STXBP4: variants seen among roughly 807,000 people sequenced by gnomAD.
STXBP4 encodes the protein syntaxin-binding protein 4.
In STXBP4, 55 loss-of-function variants were observed where a neutral mutation model predicts 76.1. That is an observed-to-expected ratio of 0.72 (90% CI 0.58 to 0.91). The LOEUF (loss-of-function observed/expected upper bound fraction) is 0.91, where lower values mean the gene tolerates loss of function less well. STXBP4 is among the 40% of genes least tolerant of loss of function. The pLI, the probability that STXBP4 is intolerant of heterozygous loss-of-function variation, is 0.00. For missense variants in STXBP4, 618 were observed against 636.9 expected (o/e 0.97, Z 0.32); for synonymous variants, 201 against 220.2 (o/e 0.91, Z 0.77).
chr17:55,121,197 T>G (rs571701403), intron 16 of STXBP4, among the ~76,000 whole-genome samples: 1 of 152,136 alleles, frequency 6.6e-6, no homozygotes, highest in Non-Finnish European at 1.5e-5. Flanking sequence ...AATGCAAAGT[T>G]TAAGATATTA....
intron 3 of STXBP4, among the ~76,000 whole-genome samples, chr17:54,990,039 G>T (rs1015836674): frequency 6.6e-6 from 1 of 152,128 alleles, no homozygotes; most frequent in South Asian, 2.1e-4. Flanking sequence ...AATCTTTTCC[G>T]TCGCCTTTAA....
At position 55,166,919 on chromosome 17, in the gene STXBP4, T is replaced by C. The variant is rs2080380269; in HGVS notation, c.*7008T>C. On this transcript the variant is annotated 3_prime_UTR_variant, in exon 18 of 18. Transcript: ENST00000376352. ...CGGAACTCTGGTTAAAGCTAAGTGG[T>C]CTCTCTCACTGTGGCTGTTCCACTC... 1 of 152,284 alleles carries C rather than the reference T, an allele frequency of 6.6e-6. No homozygotes were observed. The highest frequency in any genetic ancestry group is 1.5e-5 in the Non-Finnish European group (1 of 68,094). 9.4% of individuals were successfully genotyped at this position (152,284 alleles called of 1,614,324 possible).
chr17:55,131,342 G>A (rs561983214), intron 16 of STXBP4, among the ~76,000 whole-genome samples: 11 of 152,258 alleles, frequency 7.2e-5, no homozygotes, highest in African/African-American at 2.4e-4. Flanking sequence ...GCTGGTATGG[G>A]GTACTCTTAG....
chr17:55,186,815 C>G, the STXBP4 span, among the ~76,000 whole-genome samples: 2 of 152,104 alleles, frequency 1.3e-5, no homozygotes, highest in Non-Finnish European at 2.9e-5. Flanking sequence ...AAATATCACT[C>G]CCTTTCTCAT....
rs781122310 is a variant in STXBP4, at chr17:55,007,585, G to A, written c.654G>A (p.Glu218=). 6.3e-6 allele frequency: 10 copies of A among 1,598,724 alleles called. No homozygotes were observed. Among genetic ancestry groups the A allele is most frequent in the Middle Eastern group, 1.7e-4 (1 of 6,026 alleles). The change falls in exon 8 of 18, where the codon GAG becomes GAA. Residue 218 remains glutamate (E), a synonymous_variant. Transcript: ENST00000376352. ...ATCCCTCTGTTCGCTTTAAGGCAGA[G>A]AAACTGGAAATGGTAAAACCTTTAA... ...SLNPSVRFKA[E]KLEMALNYLG... is the part of the protein sequence containing the mutation.
chr17:55,176,831 C>T (rs2529521), downstream of STXBP4, among the ~76,000 whole-genome samples: 43,500 of 151,990 alleles, frequency 0.29, 6,972 homozygotes, highest in Non-Finnish European at 0.36. Flanking sequence ...ATCCTCTCTC[C>T]CTCTTCTTGA....
chr17:55,106,222 G>A (rs1350205830), intron 16 of STXBP4, among the ~76,000 whole-genome samples: 1 of 150,956 alleles, frequency 6.6e-6, no homozygotes, highest in African/African-American at 2.4e-5. Flanking sequence ...GCCCTTCTTT[G>A]TCTTTTTTGA....
the STXBP4 span, among the ~76,000 whole-genome samples, chr17:55,184,382 A>G: frequency 6.6e-6 from 1 of 152,244 alleles, no homozygotes; most frequent in East Asian, 1.9e-4. Flanking sequence ...TATGCCATTC[A>G]GTGAATCATC....
At chr17:54,972,664 C>T (rs1990673) in intron 1 of STXBP4, among the ~76,000 whole-genome samples, 97,795 of 151,990 alleles carry the variant, frequency 0.64, 32,470 homozygotes, top group African/African-American at 0.81. Flanking sequence ...AATCAGCCTT[C>T]TCTGCCACGA....
intron 1 of STXBP4, among the ~76,000 whole-genome samples, chr17:54,971,899 A>G (rs1005180593): frequency 1.3e-5 from 2 of 152,124 alleles, no homozygotes; most frequent in Non-Finnish European, 2.9e-5. Context: ...CTGGGATTAC[A>G]GGCATGAGCC....
rs116324596 is a variant in STXBP4, at chr17:55,098,453, G to A, written c.1489+17270G>A. Among the ~76,000 whole-genome samples, 1,077 of 152,208 alleles carry A rather than the reference G, an allele frequency of 7.1e-3. 15 individuals carry two copies. Among genetic ancestry groups the A allele is most frequent in the African/African-American group, 0.025 (1,019 of 41,530 alleles). ...AAAATGGAAATACTAAAATTGCATA[G>A]GAATGAGGTCTAAATACCCAGTAGC... On this transcript the variant is annotated intron_variant, in intron 16 of 17. Transcript: ENST00000376352.
chr17:55,190,953 G>A, the STXBP4 span, among the ~76,000 whole-genome samples: 1 of 152,202 alleles, frequency 6.6e-6, no homozygotes, highest in Non-Finnish European at 1.5e-5. Flanking sequence ...TAGCAGTAAA[G>A]TGAAACTCAC....
At chr17:55,187,636 G>T in the STXBP4 span, among the ~76,000 whole-genome samples, 3,444 of 152,252 alleles carry the variant, frequency 0.023, 132 homozygotes, top group African/African-American at 0.078. Flanking sequence ...TCCCAAGGTT[G>T]TGAGGCTGTA....
At chr17:55,062,725 AGT>A (rs1041003040) in intron 12 of STXBP4, among the ~76,000 whole-genome samples, 1 of 152,132 alleles carries the variant, frequency 6.6e-6, no homozygotes, top group Non-Finnish European at 1.5e-5. Flanking sequence ...ACAGTGTAAA[AGT>A]GTTCCTGTTT....
chr17:55,104,215 G>C (rs1239472064), intron 16 of STXBP4, among the ~76,000 whole-genome samples: 10 of 152,136 alleles, frequency 6.6e-5, no homozygotes, highest in African/African-American at 2.4e-4. Context: ...GTTTTCAAAG[G>C]AAATGCTTCC....
chr17:55,062,606 A>G (rs2079007775), intron 12 of STXBP4, among the ~76,000 whole-genome samples: 6 of 152,262 alleles, frequency 3.9e-5, no homozygotes, highest in Admixed American at 2.6e-4. Flanking sequence ...TCCTTTAGGT[A>G]TATAACCAGT....
chr17:55,043,163 A>T (rs1185328350), intron 10 of STXBP4, 73 bp from the exon 11 acceptor site: 2 of 715,138 alleles, frequency 2.8e-6, no homozygotes, highest in Non-Finnish European at 4.1e-6. Flanking sequence ...GATTAGTCAA[A>T]AATGATTTTT....
At chr17:55,039,978 T>C (rs1452862326) in intron 10 of STXBP4, among the ~76,000 whole-genome samples, 1 of 152,036 alleles carries the variant, frequency 6.6e-6, no homozygotes, top group African/African-American at 2.4e-5. Context: ...TGAGGCATAA[T>C]AGTGAATGTG....
the STXBP4 span, among the ~76,000 whole-genome samples, chr17:55,193,385 G>A: frequency 6.6e-6 from 1 of 152,156 alleles, no homozygotes; most frequent in African/African-American, 2.4e-5. Context: ...AAAAGTTTGG[G>A]TGGTAGGATT....
Sources: allele counts gnomAD v4.1 joint callset (sites outside exome capture counted in the v4.1 genomes callset), GRCh38; gene constraint gnomAD v4.1.1; transcripts MANE v1.5; gene names NCBI Gene and HGNC (gene_info 2026-07-23, HGNC 2026-07-21).